The following PDE7A variants were observed in gnomAD, a reference collection of about 807,000 sequenced individuals.
The protein encoded by PDE7A is phosphodiesterase 7A, also known as high affinity 3',5'-cyclic-AMP phosphodiesterase 7A.
Under a neutral mutation model 64.3 loss-of-function variants are expected in PDE7A, and 39 were observed. The ratio of observed to expected loss-of-function variants is 0.61; its 90% CI spans 0.47 to 0.79. The LOEUF is 0.79. PDE7A is among the 30% of genes least tolerant of loss of function. The pLI, the probability that PDE7A is intolerant of heterozygous loss-of-function variation, is 0.00. For synonymous variants in PDE7A, 203 were observed against 206.8 expected, an observed-to-expected ratio of 0.98 and a Z score of 0.16; for missense variants, 470 against 582.8, an observed-to-expected ratio of 0.81 and a Z score of 1.99.
intron 7 of PDE7A, 136 bp downstream of exon 7, chr8:65,734,658 G>C: frequency 1.7e-6 from 1 of 584,032 alleles, no homozygotes; most frequent in Non-Finnish European, 3.1e-6. Context: ...TCAGAAACTT[G>C]ATCCAGCTAG....
intron 3 of PDE7A, among the ~76,000 whole-genome samples, chr8:65,760,213 C>G (rs1426995784): frequency 1.3e-5 from 2 of 151,658 alleles, no homozygotes; most frequent in Non-Finnish European, 3.0e-5. Context: ...GCACTCCAGC[C>G]TGGGCAAGAG....
chr8:65,777,076 GC>G (rs375275094), intron 3 of PDE7A, among the ~76,000 whole-genome samples: 21 of 128,514 alleles, frequency 1.6e-4, no homozygotes, highest in African/African-American at 6.0e-4. Flanking sequence ...TTTATCAAAT[GC>G]TTTTTTTTTT....
At chr8:65,779,280 C>T (rs563166309) in intron 3 of PDE7A, among the ~76,000 whole-genome samples, 1 of 152,152 alleles carries the variant, frequency 6.6e-6, no homozygotes, top group African/African-American at 2.4e-5. Context: ...ACAAAGAATG[C>T]TTGTTTTTGA....
chr8:65,829,614 G>T (rs1351346855), intron 1 of PDE7A, among the ~76,000 whole-genome samples: 1 of 152,068 alleles, frequency 6.6e-6, no homozygotes, highest in Non-Finnish European at 1.5e-5. Context: ...ATTTAAAGCC[G>T]TAACTTCTCC....
At position 65,841,699 on chromosome 8, in the gene PDE7A, G is replaced by A. The variant is rs1469989277; in HGVS notation, c.-191C>T. 1 of 157,196 alleles carries A rather than the reference G, an allele frequency of 6.4e-6. No homozygotes were observed. Among genetic ancestry groups the A allele is most frequent in the African/African-American group, 2.5e-5 (1 of 40,802 alleles). The allele number at this position is 157,196 out of a possible 1,614,324, so 9.7% of individuals were successfully genotyped here. The stretch of plus-strand genomic sequence containing the variant: ...CCTCCGCTCGGGCCGCCGGCGGGAA[G>A]GCTCCGCGGCGGCCGCGGCGCCAAT... On this transcript the variant is annotated 5_prime_UTR_variant, in exon 1 of 13. Transcript: ENST00000401827.
At chr8:65,729,577 T>A (rs1806754614) in intron 7 of PDE7A, among the ~76,000 whole-genome samples, 1 of 152,038 alleles carries the variant, frequency 6.6e-6, no homozygotes, top group Non-Finnish European at 1.5e-5. Context: ...ACAGATTCTA[T>A]TTTTTTGTGA....
intron 1 of PDE7A, among the ~76,000 whole-genome samples, chr8:65,829,335 T>C (rs1039661329): frequency 4.6e-5 from 7 of 152,142 alleles, no homozygotes; most frequent in Non-Finnish European, 1.0e-4. Flanking sequence ...CCATTATACT[T>C]CTGATAATGG....
At chr8:65,808,875 A>G (rs1223862792) in intron 1 of PDE7A, among the ~76,000 whole-genome samples, 2 of 152,222 alleles carry the variant, frequency 1.3e-5, no homozygotes, top group African/African-American at 2.4e-5. Flanking sequence ...ATACAAAGTT[A>G]TAAACTTGTT....
intron 2 of PDE7A, among the ~76,000 whole-genome samples, chr8:65,782,440 C>G (rs1163915415): frequency 6.6e-6 from 1 of 152,152 alleles, no homozygotes; most frequent in African/African-American, 2.4e-5. Flanking sequence ...TGTTTCACAG[C>G]CTCACCTTTG....
intron 3 of PDE7A, among the ~76,000 whole-genome samples, chr8:65,765,954 T>C (rs564118666): frequency 6.6e-6 from 1 of 152,346 alleles, no homozygotes; most frequent in Non-Finnish European, 1.5e-5. Context: ...ATTTTATTTA[T>C]TTATTTTTTG....
At chr8:65,751,829 A>G (rs1361854999) in intron 3 of PDE7A, among the ~76,000 whole-genome samples, 1 of 152,248 alleles carries the variant, frequency 6.6e-6, no homozygotes, top group Admixed American at 6.5e-5. Flanking sequence ...ATAGAAACAT[A>G]TTATTTTTCT....
At chr8:65,730,171 C>CTTTTTTTTTTTTTTTTTTTTTTTTT (rs1179431555) in intron 7 of PDE7A, among the ~76,000 whole-genome samples, 1 of 86,448 alleles carries the variant, frequency 1.2e-5, no homozygotes, top group Non-Finnish European at 2.1e-5. Flanking sequence ...TTGCGCACTT[C>CTTTTTTTTTTTTTTTTTTTTTTTTT]TTTTTTTTTT....
chr8:65,807,530 G>T (rs967378134), intron 1 of PDE7A, among the ~76,000 whole-genome samples: 2 of 151,516 alleles, frequency 1.3e-5, no homozygotes, highest in Non-Finnish European at 2.9e-5. Flanking sequence ...TATTTTTCTT[G>T]CCTAACTGAC....
intron 5 of PDE7A, among the ~76,000 whole-genome samples, chr8:65,743,035 T>A (rs1423803788): frequency 6.6e-6 from 1 of 152,234 alleles, no homozygotes; most frequent in Non-Finnish European, 1.5e-5. Flanking sequence ...TAGCAGAGTA[T>A]GTACTTTTTA....
chr8:65,730,652 G>A (rs1806845529), intron 7 of PDE7A, among the ~76,000 whole-genome samples: 1 of 152,168 alleles, frequency 6.6e-6, no homozygotes, highest in South Asian at 2.1e-4. Flanking sequence ...ACTAGGCTGG[G>A]CATGGTGGCT....
chr8:65,788,902 T>C (rs1322835296), intron 1 of PDE7A: 1 of 1,612,558 alleles, frequency 6.2e-7, no homozygotes, highest in Admixed American at 1.7e-5. Context: ...ATCCACTTGA[T>C]AAGAACCAAG....
intron 1 of PDE7A, among the ~76,000 whole-genome samples, chr8:65,818,083 A>G (rs1241294941): frequency 6.6e-6 from 1 of 152,052 alleles, no homozygotes; most frequent in African/African-American, 2.4e-5. Flanking sequence ...AATAATTTCT[A>G]TATTCTTGTT....
At chr8:65,744,587 C>T (rs566380107) in intron 5 of PDE7A, among the ~76,000 whole-genome samples, 27 of 152,228 alleles carry the variant, frequency 1.8e-4, no homozygotes, top group African/African-American at 5.5e-4. Context: ...TTCTGATAAG[C>T]GCTCTTAAAG....
chr8:65,838,312 C>G (rs1585961128), intron 1 of PDE7A, among the ~76,000 whole-genome samples: 1 of 152,238 alleles, frequency 6.6e-6, no homozygotes, highest in East Asian at 1.9e-4. Flanking sequence ...GAATGCTATT[C>G]TGAAAGACAA....
Sources: gnomAD v4.1 joint callset for allele counts (sites outside exome capture counted in the v4.1 genomes callset) on GRCh38, gnomAD v4.1.1 for gene constraint, MANE v1.5 for transcripts, NCBI Gene and HGNC (gene_info 2026-07-23, HGNC 2026-07-21) for gene names.